Variants in DLG2 observed in about 807,000 individuals in gnomAD.
DLG2 encodes discs large MAGUK scaffold protein 2.
DLG2 carries 45 observed loss-of-function variants against 132.5 expected under a neutral mutation model. The ratio of observed to expected loss-of-function variants is 0.34; its 90% CI spans 0.27 to 0.44. The LOEUF (loss-of-function observed/expected upper bound fraction) is 0.44. Among genes scored for constraint, DLG2 ranks in the 20% least tolerant of loss-of-function variants. The pLI is 1.00. For synonymous variants in DLG2, 424 were observed against 419.6 expected (o/e 1.01, Z -0.13); for missense variants, 1,045 against 1,196.9 (o/e 0.87, Z 1.87).
chr11:84,398,819 G>A (rs370195850), intron 7 of DLG2, among the ~76,000 whole-genome samples: 2 of 152,088 alleles, frequency 1.3e-5, no homozygotes, highest in African/African-American at 2.4e-5. Context: ...CAGTATTCTG[G>A]CTCAGCCCAA....
intron 7 of DLG2, chr11:84,272,217 T>C (rs1397612614): frequency 7.7e-6 from 3 of 390,542 alleles, no homozygotes; most frequent in Non-Finnish European, 1.6e-5. Context: ...ATTTAAGTGA[T>C]TTCGAAGTTA....
intron 7 of DLG2, among the ~76,000 whole-genome samples, chr11:84,393,648 C>T (rs1477150057): frequency 6.6e-6 from 1 of 152,082 alleles, no homozygotes; most frequent in Admixed American, 6.6e-5. Flanking sequence ...GGCTTTCTAG[C>T]TACCTTATTT....
At chr11:84,453,912 G>A (rs767789977) in intron 7 of DLG2, among the ~76,000 whole-genome samples, 17 of 151,564 alleles carry the variant, frequency 1.1e-4, no homozygotes, top group South Asian at 2.1e-4. Flanking sequence ...ATCAGAAGCC[G>A]TTCTTCTTAT....
intron 3 of DLG2, among the ~76,000 whole-genome samples, chr11:85,588,067 T>C (rs777761301): frequency 8.5e-5 from 13 of 152,236 alleles, no homozygotes; most frequent in Non-Finnish European, 1.9e-4. Context: ...AGAAATCTGC[T>C]GTTAATCTGA....
chr11:83,543,739 T>G (rs1456644251), intron 19 of DLG2, among the ~76,000 whole-genome samples: 1 of 152,192 alleles, frequency 6.6e-6, no homozygotes, highest in Non-Finnish European at 1.5e-5. Context: ...ATGTTATTAT[T>G]ATTATCTCCC....
chr11:85,041,556 C>T (rs1417391405), intron 6 of DLG2, among the ~76,000 whole-genome samples: 2 of 151,838 alleles, frequency 1.3e-5, no homozygotes, highest in Non-Finnish European at 2.9e-5. Flanking sequence ...ATTTTAAAAG[C>T]TCACTATGGG....
At chr11:84,835,706 C>T (rs2079664803) in intron 6 of DLG2, among the ~76,000 whole-genome samples, 1 of 151,572 alleles carries the variant, frequency 6.6e-6, no homozygotes, top group Non-Finnish European at 1.5e-5. Flanking sequence ...CGAATGAAAA[C>T]TTTTTCAAAT....
chr11:84,329,333 G>T (rs998101233), intron 7 of DLG2, among the ~76,000 whole-genome samples: 2 of 152,130 alleles, frequency 1.3e-5, no homozygotes, highest in African/African-American at 4.8e-5. Flanking sequence ...ATCTCATCTT[G>T]AATTGTAGTT....
At position 84,517,330 on chromosome 11, in the gene DLG2, G is replaced by A. The variant is rs547303015; in HGVS notation, c.519+17240C>T. Among the ~76,000 whole-genome samples, 19 of 151,784 alleles carry A rather than the reference G, an allele frequency of 1.3e-4. No homozygotes were observed. In the South Asian group the frequency reaches 2.5e-3, roughly 20 times the overall value. Reference sequence around the variant, plus strand: ...AGAAAACCACCAAATTAAAAAATGGGCAGAGGATCTGAACAGACATTTCTG... The same window carrying A: ...AGAAAACCACCAAATTAAAAAATGGACAGAGGATCTGAACAGACATTTCTG... On this transcript the variant is annotated intron_variant, in intron 7 of 27. Coordinates refer to ENST00000376104, the MANE Select transcript of DLG2 (RefSeq NM_001142699.3).
chr11:83,647,627 G>A (rs773265713), intron 18 of DLG2: 8 of 152,100 alleles, frequency 5.3e-5, no homozygotes, highest in Non-Finnish European at 1.2e-4. Context: ...TCTCAGCTCT[G>A]ATGTGTCATT....
chr11:83,534,734 C>G (rs533900048), intron 20 of DLG2, among the ~76,000 whole-genome samples: 1 of 152,154 alleles, frequency 6.6e-6, no homozygotes, highest in East Asian at 1.9e-4. Context: ...GTCAGGAGTT[C>G]GAGACCCGCC....
chr11:84,659,629 C>A (rs2099692319), intron 6 of DLG2, among the ~76,000 whole-genome samples: 1 of 152,060 alleles, frequency 6.6e-6, no homozygotes, highest in South Asian at 2.1e-4. Context: ...CACTCTTTTT[C>A]CAAATTTCTC....
chr11:83,595,877 A>T (rs1464939579), intron 19 of DLG2, among the ~76,000 whole-genome samples: 2 of 152,222 alleles, frequency 1.3e-5, no homozygotes, highest in Admixed American at 6.5e-5. Context: ...GCCCTTGATT[A>T]GGTAGAGATG....
intron 6 of DLG2, among the ~76,000 whole-genome samples, chr11:84,799,859 A>G (rs1318328359): frequency 1.3e-5 from 2 of 152,070 alleles, no homozygotes; most frequent in African/African-American, 2.4e-5. Flanking sequence ...TTGTTTTTCT[A>G]TTTTAAAGCA....
intron 4 of DLG2, among the ~76,000 whole-genome samples, chr11:85,180,461 G>A (rs573600986): frequency 6.6e-6 from 1 of 151,838 alleles, no homozygotes; most frequent in East Asian, 1.9e-4. Context: ...CAGAACCAAC[G>A]ATGTTGTGTT....
At chr11:85,482,905 C>A (rs2093332960) in intron 3 of DLG2, among the ~76,000 whole-genome samples, 1 of 152,124 alleles carries the variant, frequency 6.6e-6, no homozygotes, top group African/African-American at 2.4e-5. Context: ...CCATGATAGC[C>A]TTTGTGGACC....
chr11:84,192,530 A>G (rs2096431850), intron 8 of DLG2, among the ~76,000 whole-genome samples: 1 of 152,180 alleles, frequency 6.6e-6, no homozygotes, highest in African/African-American at 2.4e-5. Flanking sequence ...AGAGATCGAG[A>G]TAATCCTGGC....
intron 8 of DLG2, among the ~76,000 whole-genome samples, chr11:84,201,808 CTTTTTTTTTTTT>C (rs58905339): frequency 3.1e-5 from 2 of 64,582 alleles, no homozygotes; most frequent in Non-Finnish European, 5.3e-5. Flanking sequence ...AAACTATTTT[CTTTTTTTTTTTT>C]TTTTTTTTTT....
intron 8 of DLG2, among the ~76,000 whole-genome samples, chr11:84,169,423 T>C (rs1335377201): frequency 1.3e-5 from 2 of 152,220 alleles, no homozygotes; most frequent in Non-Finnish European, 2.9e-5. Flanking sequence ...TCTCCAGTAA[T>C]ACATAACTTA....
Sources: gnomAD v4.1 joint callset for allele counts (sites outside exome capture counted in the v4.1 genomes callset) on GRCh38, gnomAD v4.1.1 for gene constraint, MANE v1.5 for transcripts, NCBI Gene and HGNC (gene_info 2026-07-23, HGNC 2026-07-21) for gene names.